Variants in MAP1B observed in about 807,000 individuals in gnomAD.
MAP1B encodes microtubule-associated protein 1B.
A neutral mutation model predicts 176.1 loss-of-function variants in MAP1B; 12 were observed. That is an observed-to-expected ratio of 0.07 (90% confidence interval 0.04 to 0.11). The LOEUF is 0.11. Ranked by LOEUF, MAP1B falls within the 10% of genes least tolerant of loss-of-function variation. The pLI, the probability that MAP1B is intolerant of heterozygous loss-of-function variation, is 1.00. For missense variants in MAP1B, 2,523 were observed against 2,990.5 expected, an observed-to-expected ratio of 0.84 and a Z score of 3.65; for synonymous variants, 1,044 against 1,135.0, an observed-to-expected ratio of 0.92 and a Z score of 1.61.
chr5:72,194,327 A>C lies in MAP1B; in HGVS notation c.972A>C (p.Leu324Phe). 6.2e-7 allele frequency: 1 copy of C among 1,614,246 alleles called. No individual in the cohort carries two copies. The highest frequency in any genetic ancestry group is 1.1e-5 in the South Asian group (1 of 91,084). ...DDNLPGINSM[L>F]QRKIAELEEE... ...ATTTGCCTGGAATAAACAGCATGTT[A>C]CAGCGGAAAATTGCAGAGCTCGAGG... Residue 324 changes from leucine (L) to phenylalanine (F), a missense_variant, in exon 5 of 7, where the codon TTA (leucine) becomes TTC (phenylalanine). Transcript: ENST00000296755. This position sits in a 1 kb window ranked among gnomAD's most constrained non-coding sequence, Gnocchi z 7.2.
chr5:72,183,367 T>C (rs989396752), intron 2 of MAP1B, among the ~76,000 whole-genome samples: 5 of 152,194 alleles, frequency 3.3e-5, no homozygotes, highest in African/African-American at 1.2e-4. Flanking sequence ...GAAAGGCTGA[T>C]ACGGAGAAAC....
intron 2 of MAP1B, among the ~76,000 whole-genome samples, chr5:72,172,002 A>C (rs1342640772): frequency 6.6e-6 from 1 of 152,210 alleles, no homozygotes; most frequent in Non-Finnish European, 1.5e-5. Flanking sequence ...ATTCATACAA[A>C]CAACAAAAAT....
At chr5:72,161,442 G>C (rs973721158) in intron 2 of MAP1B, among the ~76,000 whole-genome samples, 1 of 152,170 alleles carries the variant, frequency 6.6e-6, no homozygotes, top group African/African-American at 2.4e-5. Flanking sequence ...ACAAACAAAT[G>C]AAAAATACTG....
chr5:72,181,873 C>T (rs1746773792), intron 2 of MAP1B, among the ~76,000 whole-genome samples: 1 of 151,886 alleles, frequency 6.6e-6, no homozygotes, highest in Non-Finnish European at 1.5e-5. Flanking sequence ...TACAGGTGCA[C>T]ATCATCACAC....
At chr5:72,146,653 A>G (rs934043273) in intron 2 of MAP1B, among the ~76,000 whole-genome samples, 2 of 152,126 alleles carry the variant, frequency 1.3e-5, no homozygotes, top group African/African-American at 4.8e-5. Context: ...GCCAGTGAGT[A>G]ATGGAGATGG....
intron 1 of MAP1B, among the ~76,000 whole-genome samples, chr5:72,109,805 TTGTA>T (rs1237401124): frequency 6.6e-6 from 1 of 152,244 alleles, no homozygotes; most frequent in African/African-American, 2.4e-5. Flanking sequence ...GGGCTTGCCT[TTGTA>T]TGGCCATCCA....
intron 2 of MAP1B, among the ~76,000 whole-genome samples, chr5:72,130,413 G>A (rs372322121): frequency 1.4e-4 from 21 of 152,210 alleles, no homozygotes; most frequent in East Asian, 1.2e-3. Context: ...CCAGGCATGT[G>A]GGCTTAGTAT....
In MAP1B at chr5:72,198,269, C is replaced by T; in HGVS notation, c.4914C>T (p.His1638=). The part of the protein sequence containing the change: ...TAKSRTPVQD[H]RSEQSSMSIE... ...AGTCCAGGACACCCGTTCAAGATCA[C>T]AGATCTGAACAGTCCTCAATGTCTA... Residue 1638 remains histidine (H), a synonymous_variant, in exon 5 of 7, where the codon CAC becomes CAT. Coordinates refer to ENST00000296755, the MANE Select transcript of MAP1B (RefSeq NM_005909.5). 1.9e-6 allele frequency: 3 copies of T among 1,614,092 alleles called. No individual in the cohort carries two copies. Among genetic ancestry groups the T allele is most frequent in the Non-Finnish European group, 2.5e-6 (3 of 1,179,922 alleles).
chr5:72,111,575 T>C (rs768285567), intron 1 of MAP1B, among the ~76,000 whole-genome samples: 1 of 152,210 alleles, frequency 6.6e-6, no homozygotes, highest in Non-Finnish European at 1.5e-5. Flanking sequence ...CAATACCATA[T>C]GTGGTGAGAA....
chr5:72,120,722 G>A (rs951817324), intron 2 of MAP1B, among the ~76,000 whole-genome samples: 6 of 152,058 alleles, frequency 3.9e-5, no homozygotes, highest in South Asian at 2.1e-4. Context: ...CACTGCGCCC[G>A]GCCCCACCTC....
At chr5:72,185,308 G>T (rs1317843825) in intron 3 of MAP1B, among the ~76,000 whole-genome samples, 1 of 152,162 alleles carries the variant, frequency 6.6e-6, no homozygotes, top group Non-Finnish European at 1.5e-5. Flanking sequence ...ATCCATGAAG[G>T]TGTGAAGCTG....
intron 2 of MAP1B, among the ~76,000 whole-genome samples, chr5:72,147,157 C>T (rs760596100): frequency 6.6e-6 from 1 of 151,956 alleles, no homozygotes; most frequent in Non-Finnish European, 1.5e-5. Context: ...TTAGTAGAGA[C>T]AAGGTTTCAC....
In MAP1B at chr5:72,197,398, T is replaced by G; in HGVS notation, c.4043T>G (p.Leu1348Arg). The change falls in exon 5 of 7, where the codon CTC becomes CGC. Residue 1348 changes from leucine to arginine, a missense_variant. By Grantham distance (102) the Leu-to-Arg change is moderately radical. Around this residue, in one of 4 missense-constraint regions of MAP1B, gnomAD observed 1,925 missense variants for 2,126.0 expected, o/e 0.91. Coordinates refer to ENST00000296755, the MANE Select transcript of MAP1B (RefSeq NM_005909.5). The part of the protein sequence containing the change: ...QSPTDEKSSH[L>R]PTEVIEKPPA... Reference sequence around the variant, plus strand: ...CCTACTGACGAGAAATCCAGTCATCTCCCTACAGAAGTCATTGAAAAACCA... The same window carrying G: ...CCTACTGACGAGAAATCCAGTCATCGCCCTACAGAAGTCATTGAAAAACCA... The G allele has an allele frequency of 6.2e-7, 1 of 1,614,148 alleles. No homozygotes were observed. Among genetic ancestry groups the G allele is most frequent in the South Asian group, 1.1e-5 (1 of 91,082 alleles).
At chr5:72,125,868 G>A (rs1160840926) in intron 2 of MAP1B, among the ~76,000 whole-genome samples, 2 of 147,464 alleles carry the variant, frequency 1.4e-5, no homozygotes, top group East Asian at 1.9e-4. Context: ...TGAAGAGTTA[G>A]AATCGATAAT....
intron 1 of MAP1B, among the ~76,000 whole-genome samples, chr5:72,112,300 C>T (rs1184188925): frequency 6.6e-6 from 1 of 152,206 alleles, no homozygotes; most frequent in East Asian, 1.9e-4. Flanking sequence ...TTGCTTTCTT[C>T]AATCCACTGT....
intron 2 of MAP1B, among the ~76,000 whole-genome samples, chr5:72,148,796 G>A (rs954357105): frequency 6.6e-6 from 1 of 152,212 alleles, no homozygotes; most frequent in Non-Finnish European, 1.5e-5. Flanking sequence ...TGTACAAAGG[G>A]AGCAGCCACA....
chr5:72,129,532 A>G (rs114448453), intron 2 of MAP1B, among the ~76,000 whole-genome samples: 6,403 of 152,016 alleles, frequency 0.042, 392 homozygotes, highest in African/African-American at 0.13. Context: ...ACTCTAGCCT[A>G]GCTGACAGAG....
rs565132205 is a variant in MAP1B at position 72,200,445 on chromosome 5, T to C, written c.7012+78T>C. 4.0e-3 allele frequency: 6,136 copies of C among 1,528,566 alleles called. 18 individuals carry two copies. The highest frequency in any genetic ancestry group is 4.4e-3 in the Non-Finnish European group (4,999 of 1,137,962). The allele number at this position is 1,528,566 out of a possible 1,614,324, so 94.7% of individuals were successfully genotyped here. On this transcript the variant is annotated intron_variant, in intron 5 of 6. Transcript: ENST00000296755. ...TTTACAGCCTTTATATTTCCCTGTT[T>C]GGCTTTGTACTGGGAAGATGAGGGA...
chr5:72,195,758 T>C lies in MAP1B; in HGVS notation c.2403T>C (p.Thr801=). The change falls in exon 5 of 7, where the codon ACT becomes ACC. Residue 801 remains threonine, a synonymous_variant. Transcript: ENST00000296755. Reference sequence around the variant, plus strand: ...AGGCTGTCGCTGCAGCTGTCGGCACTGGAGCCACCACAGCAGCTGTCATGG... The same window carrying C: ...AGGCTGTCGCTGCAGCTGTCGGCACCGGAGCCACCACAGCAGCTGTCATGG... ...AAEAVAAAVG[T]GATTAAVMAA... The C allele has an allele frequency of 6.2e-7, 1 of 1,614,258 alleles. No homozygotes were observed.
Sources: allele counts gnomAD v4.1 joint callset (sites outside exome capture counted in the v4.1 genomes callset), GRCh38; gene constraint gnomAD v4.1.1; regional missense constraint gnomAD v4.1.1; non-coding constraint Gnocchi (gnomAD v3.1); transcripts MANE v1.5; gene names NCBI Gene and HGNC (gene_info 2026-07-23, HGNC 2026-07-21).